Variants in FNBP4 observed in about 807,000 individuals in gnomAD.
FNBP4 encodes the protein formin-binding protein 4.
A neutral mutation model predicts 119.3 loss-of-function variants in FNBP4; 34 were observed. That is an observed-to-expected ratio of 0.28 (90% CI 0.22 to 0.38). The LOEUF is 0.38. Among genes scored for constraint, FNBP4 ranks in the 10% least tolerant of loss-of-function variants. The probability of loss-of-function intolerance (pLI) is 1.00; values close to 1 mark genes in which losing one functional copy is unlikely to be tolerated. For synonymous variants in FNBP4, 462 were observed against 430.6 expected (o/e 1.07, Z -0.90); for missense variants, 1,112 against 1,228.9 (o/e 0.90, Z 1.42).
chr11:47,721,306 A>C (rs2097555421), intron 15 of FNBP4, among the ~76,000 whole-genome samples: 1 of 151,998 alleles, frequency 6.6e-6, no homozygotes, highest in African/African-American at 2.4e-5. Flanking sequence ...TAAAACATCA[A>C]TGGGGCGAGG....
intron 9 of FNBP4, among the ~76,000 whole-genome samples, chr11:47,735,843 G>A (rs1393454226): frequency 1.3e-5 from 2 of 152,092 alleles, no homozygotes; most frequent in African/African-American, 2.4e-5. Context: ...ACTTTGGGAG[G>A]CCGAGGCAGG....
chr11:47,758,171 C>T (rs2097624074), intron 2 of FNBP4, among the ~76,000 whole-genome samples: 1 of 152,136 alleles, frequency 6.6e-6, no homozygotes, highest in African/African-American at 2.4e-5. Flanking sequence ...GCCTTGACCT[C>T]CTGAGCTCAA....
At chr11:47,721,156 C>T (rs896107456) in intron 15 of FNBP4, among the ~76,000 whole-genome samples, 6 of 151,060 alleles carry the variant, frequency 4.0e-5, no homozygotes, top group African/African-American at 1.5e-4. Flanking sequence ...CCCGTCTCTA[C>T]TAAAAATACA....
At chr11:47,762,962 T>A (rs929776568) in intron 2 of FNBP4, among the ~76,000 whole-genome samples, 7 of 147,488 alleles carry the variant, frequency 4.7e-5, no homozygotes, top group African/African-American at 1.5e-4. Flanking sequence ...TCTTGAACTC[T>A]AGGATTCAAG....
intron 4 of FNBP4, 39 bp downstream of exon 4, chr11:47,752,877 G>A (rs2097607086): frequency 6.5e-7 from 1 of 1,544,474 alleles, no homozygotes; most frequent in Admixed American, 1.9e-5. Context: ...TCCCTTTAAG[G>A]ATTTTACTTT....
At position 47,720,392 on chromosome 11, in the gene FNBP4, C is replaced by A. The variant is rs565447934; in HGVS notation, c.2806-306G>T. 5.9e-5 allele frequency among the ~76,000 whole-genome samples: 9 copies of A among 151,798 alleles called. No individual in the cohort carries two copies. In the South Asian group the frequency reaches 1.5e-3, roughly 25 times the overall value. ...GACCATCCTGGCTAACATGGTGAAA[C>A]CCTGTCTCTACTAAAAATACAAAAA... On this transcript the variant is annotated intron_variant, in intron 15 of 16. Coordinates refer to ENST00000263773, the MANE Select transcript of FNBP4 (RefSeq NM_015308.5).
chr11:47,744,533 A>C (rs1191120247), intron 7 of FNBP4, among the ~76,000 whole-genome samples: 1 of 152,128 alleles, frequency 6.6e-6, no homozygotes, highest in East Asian at 1.9e-4. Flanking sequence ...AAGTCCTGGG[A>C]TTACAGGCAT....
At chr11:47,724,304 C>A in intron 13 of FNBP4, 132 bp from the exon 14 acceptor site, 1 of 1,507,458 alleles carries the variant, frequency 6.6e-7, no homozygotes, top group South Asian at 1.3e-5. Context: ...CTCATTGCAG[C>A]CTCCTGGGCT....
intron 8 of FNBP4, among the ~76,000 whole-genome samples, chr11:47,738,631 A>G (rs2097577396): frequency 6.6e-6 from 1 of 152,210 alleles, no homozygotes; most frequent in Non-Finnish European, 1.5e-5. Context: ...ACTTTGGGTA[A>G]TCCTTCATCT....
rs1487562614 is a variant in FNBP4, at chr11:47,724,729, G to A, written c.2058C>T (p.Leu686=). 11 of 1,594,690 alleles carry A rather than the reference G, an allele frequency of 6.9e-6. No individual in the cohort carries two copies. In the South Asian group the frequency reaches 1.0e-4, roughly 15 times the overall value. ...GGGTCCAGAATGGAGTAAGTGGCAT[G>A]AGTGATGAAGAAGAAACTTGACCAG... ...SFSGQVSSSS[L]MPLTPFWTLL... is the part of the protein sequence containing the mutation. Residue 686 remains leucine, a synonymous_variant, in exon 13 of 17, where the codon CTC becomes CTT. Transcript: ENST00000263773.
intron 12 of FNBP4, among the ~76,000 whole-genome samples, chr11:47,727,251 C>CTT (rs56258205): frequency 0.34 from 46,481 of 137,700 alleles, 9,318 homozygotes; most frequent in South Asian, 0.52. Flanking sequence ...TACTTTTCTT[C>CTT]TTTTTTTTTT....
At chr11:47,729,801 G>T (rs561155065) in intron 12 of FNBP4, 2 of 985,362 alleles carry the variant, frequency 2.0e-6, no homozygotes, top group Admixed American at 1.2e-4. Flanking sequence ...ATTAGGCTTA[G>T]AACTGTTGAT....
intron 3 of FNBP4, 149 bp downstream of exon 3, chr11:47,754,379 G>C: frequency 1.3e-6 from 1 of 762,842 alleles, no homozygotes. Flanking sequence ...CAAAAAGAGA[G>C]ATAGAGATCG....
intron 6 of FNBP4, 30 bp downstream of exon 6, chr11:47,750,886 T>A: frequency 6.2e-7 from 1 of 1,611,454 alleles, no homozygotes; most frequent in Non-Finnish European, 8.5e-7. Flanking sequence ...GATCTGAAAA[T>A]AAACAAATGA....
intron 12 of FNBP4, chr11:47,729,342 A>T (rs928619137): frequency 3.0e-5 from 30 of 985,298 alleles, no homozygotes; most frequent in African/African-American, 3.5e-5. Context: ...AATATAAAAG[A>T]TATGTTGGAT....
chr11:47,720,569 AAAAT>A (rs57442336), intron 15 of FNBP4, among the ~76,000 whole-genome samples: 33,033 of 149,070 alleles, frequency 0.22, 4,654 homozygotes, highest in South Asian at 0.46. Flanking sequence ...CCGTCTCAAA[AAAAT>A]AAATAAATAA....
At chr11:47,751,891 T>C (rs961708409) in intron 4 of FNBP4, among the ~76,000 whole-genome samples, 2 of 151,942 alleles carry the variant, frequency 1.3e-5, no homozygotes, top group Non-Finnish European at 2.9e-5. Context: ...AAGGCTGCGA[T>C]GAGCCAAGAT....
At chr11:47,755,639 A>C (rs2097615752) in intron 2 of FNBP4, among the ~76,000 whole-genome samples, 1 of 150,894 alleles carries the variant, frequency 6.6e-6, no homozygotes, top group Admixed American at 6.6e-5. Flanking sequence ...CAAAAACAAA[A>C]AAAAAAAAAA....
rs368336118 is a variant in FNBP4, at chr11:47,731,379, G to T, written c.2003C>A (p.Ser668Tyr). The T allele has an allele frequency of 2.5e-5, 40 of 1,608,954 alleles. No homozygotes were observed. Among genetic ancestry groups the T allele is most frequent in the Non-Finnish European group, 3.4e-5 (40 of 1,178,352 alleles). Reference sequence around the variant, plus strand: ...TACAAGGTAAATTGTCTCACCTGTGGAAGTTTCAGAGGATTCTGTTGAATT... The same window carrying T: ...TACAAGGTAAATTGTCTCACCTGTGTAAGTTTCAGAGGATTCTGTTGAATT... ...DSNSTESSET[S>Y]TGSLCKESFS... Residue 668 changes from serine (S) to tyrosine (Y), a missense_variant, in exon 12 of 17, where the codon TCC becomes TAC. Physicochemically the swap from Ser to Tyr is moderately radical, Grantham distance 144. Coordinates refer to ENST00000263773, the MANE Select transcript of FNBP4 (RefSeq NM_015308.5).
Sources: gnomAD v4.1 joint callset for allele counts (sites outside exome capture counted in the v4.1 genomes callset) on GRCh38, gnomAD v4.1.1 for gene constraint, MANE v1.5 for transcripts, NCBI Gene and HGNC (gene_info 2026-07-23, HGNC 2026-07-21) for gene names.